EVI2A: variants seen among roughly 807,000 people sequenced by gnomAD.
EVI2A encodes protein EVI2A.
Under a neutral mutation model 13.0 loss-of-function variants are expected in EVI2A, and 11 were observed. The observed-to-expected ratio is 0.85, with a 90% CI of 0.53 to 1.40. The LOEUF is 1.40. EVI2A is among the 40% of genes most tolerant of loss of function. The pLI is 0.00. For synonymous variants in EVI2A, 89 were observed against 98.0 expected (o/e 0.91, Z 0.54); for missense variants, 267 against 279.5 (o/e 0.96, Z 0.32).
At position 31,317,194 on chromosome 17, in the gene EVI2A, C is replaced by A. The variant is rs867757222; in HGVS notation, c.*1109G>T. Reference sequence around the variant, plus strand: ...TGAGATTTTTGAAATGTGGCCTGATCTTAGCCCTGTGTTAATTTCAGTAGA... The same window carrying A: ...TGAGATTTTTGAAATGTGGCCTGATATTAGCCCTGTGTTAATTTCAGTAGA... On this transcript the variant is annotated 3_prime_UTR_variant, in exon 2 of 2. Coordinates refer to ENST00000462804, the MANE Select transcript of EVI2A (RefSeq NM_014210.4). Among the ~76,000 whole-genome samples the A allele has an allele frequency of 1.6e-4, 25 of 152,216 alleles. No individual in the cohort carries two copies. Among genetic ancestry groups the A allele is most frequent in the South Asian group, 1.0e-3 (5 of 4,826 alleles).
At position 31,318,370 on chromosome 17, in the gene EVI2A, A is replaced by G. The variant is rs1328070911; in HGVS notation, c.644T>C (p.Leu215Pro). ...ATCTTTTCTTTCCCTTGTAGCTGTGAGCACTCCAGTAGATTGCATCACTAG... is the reference window on the plus strand; with the variant it reads ...ATCTTTTCTTTCCCTTGTAGCTGTGGGCACTCCAGTAGATTGCATCACTAG... ...PNLVMQSTGV[L>P]TATRERKDEE... Residue 215 changes from leucine to proline, a missense_variant, in exon 2 of 2, where the codon CTC becomes CCC. Physicochemically the swap from Leu to Pro is moderately conservative, Grantham distance 98. Coordinates refer to ENST00000462804, the MANE Select transcript of EVI2A (RefSeq NM_014210.4). 6.2e-7 allele frequency: 1 copy of G among 1,613,848 alleles called. No homozygotes were observed. Among genetic ancestry groups the G allele is most frequent in the Non-Finnish European group, 8.5e-7 (1 of 1,179,950 alleles).
rs2069193413 is a variant in EVI2A, at chr17:31,321,548, T to C, written c.-64A>G. ...TATAACGTGATTTTGATAAACCACT[T>C]CTTTTCTTGTCTTCTTTTTAAAGCA... On this transcript the variant is annotated 5_prime_UTR_variant, in exon 1 of 2. Coordinates refer to ENST00000462804, the MANE Select transcript of EVI2A (RefSeq NM_014210.4). 6.6e-6 allele frequency: 1 copy of C among 152,174 alleles called. No homozygotes were observed. The highest frequency in any genetic ancestry group is 1.5e-5 in the Non-Finnish European group (1 of 68,016). 9.4% of individuals were successfully genotyped at this position (152,174 alleles called of 1,614,324 possible).
chr17:31,318,082 AT>A lies in EVI2A; in HGVS notation c.*220del. The A allele has an allele frequency of 2.0e-6, 1 of 501,178 alleles. No homozygotes were observed. The highest frequency in any genetic ancestry group is 3.4e-6 in the Non-Finnish European group (1 of 296,934). The allele number at this position is 501,178 out of a possible 1,614,324, so 31.0% of individuals were successfully genotyped here. The stretch of plus-strand genomic sequence containing the variant: ...TAAAATTTTCCTCAAATGCTTAGTT[AT>A]TTTATTATTTGCTTTTTAAAATATT... On this transcript the variant is annotated 3_prime_UTR_variant, in exon 2 of 2. Transcript: ENST00000462804.
Position 31,318,307 on chromosome 17 carries a change from CCTAT to C in EVI2A, c.703_706del (p.Ile235ValfsTer16). The C allele has an allele frequency of 1.2e-6, 2 of 1,604,096 alleles. No homozygotes were observed. Among genetic ancestry groups the C allele is most frequent in the Non-Finnish European group, 8.5e-7 (1 of 1,176,794 alleles). ...GCTACTTTGCATTTTTCTTCACTAACCTATCTGTTTGTTAGTAAGTTTTTCAGTT... is the reference window on the plus strand; with the variant it reads ...GCTACTTTGCATTTTTCTTCACTAACCTGTTTGTTAGTAAGTTTTTCAGTT... On this transcript the variant is annotated frameshift_variant, in exon 2 of 2. Transcript: ENST00000462804. LOFTEE classifies it high-confidence loss of function.
At position 31,321,549 on chromosome 17, in the gene EVI2A, CT is replaced by C. The variant is rs2069193511; in HGVS notation, c.-66del. On this transcript the variant is annotated 5_prime_UTR_variant, in exon 1 of 2. Transcript: ENST00000462804. ...ATAACGTGATTTTGATAAACCACTTCTTTTCTTGTCTTCTTTTTAAAGCAGA... is the reference window on the plus strand; with the variant it reads ...ATAACGTGATTTTGATAAACCACTTCTTTCTTGTCTTCTTTTTAAAGCAGA... 2 of 152,258 alleles carry C rather than the reference CT, an allele frequency of 1.3e-5. No homozygotes were observed. The highest frequency in any genetic ancestry group is 4.1e-4 in the South Asian group (2 of 4,830). The allele number at this position is 152,258 out of a possible 1,614,324, so 9.4% of individuals were successfully genotyped here. A position where few individuals can be genotyped will look rare whatever the true frequency, so the allele number is the denominator to read the frequency against.
chr17:31,320,544 A>G (rs2069159161), intron 1 of EVI2A: 1 of 906,796 alleles, frequency 1.1e-6, no homozygotes, highest in Non-Finnish European at 1.7e-6. Flanking sequence ...AAAATAAGAA[A>G]TGTGATACGT....
Position 31,318,388 on chromosome 17 carries a change from A to C in EVI2A, c.626T>G (p.Met209Arg), listed in dbSNP as rs759197449. The C allele has an allele frequency of 1.2e-5, 19 of 1,613,964 alleles. No individual in the cohort carries two copies. The Admixed American group carries it at 3.2e-4, about 27-fold the overall frequency. Reference sequence around the variant, plus strand: ...AGCTGTGAGCACTCCAGTAGATTGCATCACTAGGTTGGGTCCTGTGAGCTG... The same window carrying C: ...AGCTGTGAGCACTCCAGTAGATTGCCTCACTAGGTTGGGTCCTGTGAGCTG... ...TKQLTGPNLV[M>R]QSTGVLTATR... The change falls in exon 2 of 2, where the codon ATG (methionine) becomes AGG (arginine). Residue 209 changes from methionine (M) to arginine (R), a missense_variant. Coordinates refer to ENST00000462804, the MANE Select transcript of EVI2A (RefSeq NM_014210.4).
intron 1 of EVI2A, chr17:31,320,504 C>T: frequency 2.8e-5 from 36 of 1,286,494 alleles, no homozygotes; most frequent in Non-Finnish European, 4.0e-5. Flanking sequence ...CATTGGCTGA[C>T]ATTTGTATAC....
At position 31,318,759 on chromosome 17, in the gene EVI2A, A is replaced by G; in HGVS notation, c.255T>C (p.Ala85=). Residue 85 remains alanine (A), a synonymous_variant, in exon 2 of 2, where the codon GCT becomes GCC. Transcript: ENST00000462804. The part of the protein sequence containing the change: ...TNMPETSHIV[A]LTSKSEQELY... ...GCTCCTGTTCAGATTTAGAAGTTAA[A>G]GCTACGATGTGAGATGTTTCAGGCA... is the stretch of plus-strand genomic sequence containing the variant. 1 of 1,614,092 alleles carries G rather than the reference A, an allele frequency of 6.2e-7. No homozygotes were observed. The highest frequency in any genetic ancestry group is 8.5e-7 in the Non-Finnish European group (1 of 1,179,982).
chr17:31,318,144 A>T lies in EVI2A; in HGVS notation c.*159T>A. On this transcript the variant is annotated 3_prime_UTR_variant, in exon 2 of 2. Coordinates refer to ENST00000462804, the MANE Select transcript of EVI2A (RefSeq NM_014210.4). Reference sequence around the variant, plus strand: ...ACAAAAGTACACAGTTTAAATAATTAAGCAGGCATACTTCTCCCTGTCTCA... The same window carrying T: ...ACAAAAGTACACAGTTTAAATAATTTAGCAGGCATACTTCTCCCTGTCTCA... 1.2e-6 allele frequency: 1 copy of T among 800,894 alleles called. No individual in the cohort carries two copies. The highest frequency in any genetic ancestry group is 1.9e-6 in the Non-Finnish European group (1 of 522,642). The allele number at this position is 800,894 out of a possible 1,614,324, so 49.6% of individuals were successfully genotyped here. A position where few individuals can be genotyped will look rare whatever the true frequency, so the allele number is the denominator to read the frequency against.
intron 1 of EVI2A, chr17:31,321,045 C>T (rs2069174834): frequency 6.6e-6 from 1 of 152,170 alleles, no homozygotes. Context: ...CAAAATGAGA[C>T]TTTCTCTTGC....
rs77172092 is a variant in EVI2A, at chr17:31,317,844, A to G, written c.*459T>C. The stretch of plus-strand genomic sequence containing the variant: ...TGCCACATCCAGCAAGGAAGATACC[A>G]TTAAATTACACAGTTTAGCTCTCTC... On this transcript the variant is annotated 3_prime_UTR_variant, in exon 2 of 2. Transcript: ENST00000462804. 364 of 154,206 alleles carry G rather than the reference A, an allele frequency of 2.4e-3. 6 individuals are homozygous for G. In the East Asian group the frequency reaches 0.052, roughly 22 times the overall value. 9.6% of individuals were successfully genotyped at this position (154,206 alleles called of 1,614,324 possible).
In EVI2A at chr17:31,319,465, T is replaced by G. The variant is rs80294633; in HGVS notation, c.-10-442A>C. Among the ~76,000 whole-genome samples, 472 of 152,222 alleles carry G rather than the reference T, an allele frequency of 3.1e-3. 2 individuals are homozygous for G. Among genetic ancestry groups the G allele is most frequent in the African/African-American group, 0.011 (447 of 41,534 alleles). On this transcript the variant is annotated intron_variant, in intron 1 of 1. Coordinates refer to ENST00000462804, the MANE Select transcript of EVI2A (RefSeq NM_014210.4). ...TTACAGAAGAAATGTGGCCTTGAGC[T>G]TCTTGCTTCATGTATGAAATAAATG...
chr17:31,316,542 G>A lies in EVI2A; in HGVS notation c.*1761C>T, dbSNP rs1373705592. On this transcript the variant is annotated 3_prime_UTR_variant, in exon 2 of 2. Coordinates refer to ENST00000462804, the MANE Select transcript of EVI2A (RefSeq NM_014210.4). ...ATATTAATTTCTTTTAATTTTCTCTGACACGTGTTTATTTATGACCCTTGA... is the reference window on the plus strand; with the variant it reads ...ATATTAATTTCTTTTAATTTTCTCTAACACGTGTTTATTTATGACCCTTGA... Among the ~76,000 whole-genome samples, 2 of 152,046 alleles carry A rather than the reference G, an allele frequency of 1.3e-5. No homozygotes were observed. The highest frequency in any genetic ancestry group is 4.8e-5 in the African/African-American group (2 of 41,380).
Position 31,317,368 on chromosome 17 carries a change from A to AACACAC in EVI2A, c.*929_*934dup, listed in dbSNP as rs3138611. Among the ~76,000 whole-genome samples the AACACAC allele has an allele frequency of 0.025, 3,655 of 144,594 alleles. 65 individuals carry two copies. Among genetic ancestry groups the AACACAC allele is most frequent in the Middle Eastern group, 0.039 (11 of 282 alleles). 94.9% of individuals were successfully genotyped at this position (144,594 alleles called of 152,430 possible). ...TGAAGTATGCAGTTTTCCAGATTTG[A>AACACAC]ACACACACACACACACACACACACA... On this transcript the variant is annotated 3_prime_UTR_variant, in exon 2 of 2. Transcript: ENST00000462804.
Position 31,319,111 on chromosome 17 carries a change from T to C in EVI2A, c.-10-88A>G, listed in dbSNP as rs2069109619. 4.4e-6 allele frequency: 6 copies of C among 1,366,934 alleles called. 1 individual carries two copies. In the South Asian group the frequency reaches 5.7e-5, roughly 13 times the overall value. The allele number at this position is 1,366,934 out of a possible 1,614,324, so 84.7% of individuals were successfully genotyped here. A position where few individuals can be genotyped will look rare whatever the true frequency, so the allele number is the denominator to read the frequency against. On this transcript the variant is annotated intron_variant, in intron 1 of 1. Coordinates refer to ENST00000462804, the MANE Select transcript of EVI2A (RefSeq NM_014210.4). ...TTGTAGTTAAAAGATAGTGTTGAGA[T>C]GTTACAAGTAAACTACAAGCTTATG...
chr17:31,320,293 T>C (rs1346482363), intron 1 of EVI2A: 2 of 1,198,648 alleles, frequency 1.7e-6, no homozygotes, highest in Admixed American at 2.7e-5. Flanking sequence ...TTAAGAACCC[T>C]ACGTATGCTA....
chr17:31,320,840 A>G (rs1273400095), intron 1 of EVI2A: 1 of 173,166 alleles, frequency 5.8e-6, no homozygotes, highest in Admixed American at 5.8e-5. Context: ...TTTTTATACT[A>G]GACTGGACTT....
At chr17:31,319,544 A>G (rs533678093) in intron 1 of EVI2A, among the ~76,000 whole-genome samples, 9 of 152,192 alleles carry the variant, frequency 5.9e-5, no homozygotes, top group Admixed American at 2.6e-4. Context: ...AAGAAACTGA[A>G]CTTCAAATAG....
Sources: allele counts gnomAD v4.1 joint callset (sites outside exome capture counted in the v4.1 genomes callset), GRCh38; gene constraint gnomAD v4.1.1; transcripts MANE v1.5; gene names NCBI Gene and HGNC (gene_info 2026-07-23, HGNC 2026-07-21).